Variants in LPO observed in about 807,000 individuals in gnomAD.
LPO encodes the protein salivary peroxidase.
In LPO, 70 loss-of-function variants were observed where a neutral mutation model predicts 68.4. The ratio of observed to expected loss-of-function variants is 1.02; its 90% CI spans 0.84 to 1.25. The LOEUF is 1.25. LPO is among the 50% of genes most tolerant of loss of function. LPO has a pLI of 0.00. For synonymous variants in LPO, 360 were observed against 357.6 expected (o/e 1.01, Z -0.08); for missense variants, 873 against 908.4 (o/e 0.96, Z 0.50).
At chr17:58,241,900 G>A (rs993050532) in intron 1 of LPO, among the ~76,000 whole-genome samples, 5 of 152,178 alleles carry the variant, frequency 3.3e-5, no homozygotes, top group Admixed American at 6.5e-5. Context: ...CAAGACATAC[G>A]GGGAAGTCTG....
At chr17:58,253,664 G>A (rs900170990) in intron 8 of LPO, among the ~76,000 whole-genome samples, 2 of 152,104 alleles carry the variant, frequency 1.3e-5, no homozygotes, top group Non-Finnish European at 2.9e-5. Context: ...TGGCCACCCT[G>A]ACATTGCAGA....
intron 8 of LPO, chr17:58,254,474 T>C (rs999320745): frequency 5.3e-5 from 9 of 171,104 alleles, no homozygotes; most frequent in Non-Finnish European, 1.1e-4. Flanking sequence ...GGGTTATAAT[T>C]AGCAAAATGT....
intron 9 of LPO, among the ~76,000 whole-genome samples, chr17:58,260,048 C>T (rs537210497): frequency 2.0e-5 from 3 of 152,106 alleles, no homozygotes; most frequent in African/African-American, 7.2e-5. Flanking sequence ...CTCTTGACCT[C>T]GTGATCCGCC....
chr17:58,249,226 C>A, intron 5 of LPO, 49 bp downstream of exon 5: 4 of 1,532,898 alleles, frequency 2.6e-6, no homozygotes, highest in Non-Finnish European at 3.6e-6. Flanking sequence ...CACTCCGCCC[C>A]GCCCTGCCAA....
At chr17:58,266,987 T>C (rs1399327518) in intron 11 of LPO, among the ~76,000 whole-genome samples, 5 of 152,212 alleles carry the variant, frequency 3.3e-5, no homozygotes, top group Non-Finnish European at 7.3e-5. Context: ...GCAATTTAAT[T>C]AAGAACCAGA....
In LPO at chr17:58,262,898, A is replaced by G. The variant is rs8178391; in HGVS notation, c.1267-1824A>G. On this transcript the variant is annotated intron_variant, in intron 9 of 12. Transcript: ENST00000262290. ...CAATTTTGAGAAATTTTCAGGCATTATTTATTCAAATCCTTTTTCAGTTTC... is the reference window on the plus strand; with the variant it reads ...CAATTTTGAGAAATTTTCAGGCATTGTTTATTCAAATCCTTTTTCAGTTTC... Among the ~76,000 whole-genome samples, 1,066 of 152,308 alleles carry G rather than the reference A, an allele frequency of 7.0e-3. 8 individuals carry two copies. Among genetic ancestry groups the G allele is most frequent in the African/African-American group, 0.025 (1,021 of 41,564 alleles).
rs757344771 is a variant in LPO, at chr17:58,247,557, C to G, written c.244C>G (p.Arg82Gly). The change falls in exon 4 of 13, where the codon CGC becomes GGC. Residue 82 changes from arginine to glycine, a missense_variant. Coordinates refer to ENST00000262290, the MANE Select transcript of LPO (RefSeq NM_006151.3). ...CCTCAAGCATGCCAAAGGCCGGACGCGCACAGCCATCCGCAATGGACAGGT... is the reference window on the plus strand; with the variant it reads ...CCTCAAGCATGCCAAAGGCCGGACGGGCACAGCCATCCGCAATGGACAGGT... ...EYLKHAKGRT[R>G]TAIRNGQVWE... 6.2e-7 allele frequency: 1 copy of G among 1,614,156 alleles called. No homozygotes were observed. The highest frequency in any genetic ancestry group is 8.5e-7 in the Non-Finnish European group (1 of 1,180,030).
intron 3 of LPO, among the ~76,000 whole-genome samples, chr17:58,246,033 C>T (rs557587298): frequency 4.4e-4 from 67 of 152,240 alleles, no homozygotes; most frequent in African/African-American, 1.6e-3. Flanking sequence ...TGCAGTGACT[C>T]ACAATTTATG....
chr17:58,246,445 G>A (rs1969853295), intron 3 of LPO, among the ~76,000 whole-genome samples: 1 of 152,172 alleles, frequency 6.6e-6, no homozygotes, highest in African/African-American at 2.4e-5. Flanking sequence ...GGACCGCGGT[G>A]GAGACTGTGG....
At chr17:58,242,016 C>T (rs1216590168) in intron 1 of LPO, among the ~76,000 whole-genome samples, 2 of 152,140 alleles carry the variant, frequency 1.3e-5, no homozygotes, top group African/African-American at 4.8e-5. Flanking sequence ...TTCTGGATTC[C>T]ACCAGTGAAC....
rs186729519 is a variant in LPO at position 58,264,716 on chromosome 17, C to T, written c.1267-6C>T. On this transcript the variant is annotated splice_polypyrimidine_tract_variant and splice_region_variant and intron_variant, in intron 9 of 12. Transcript: ENST00000262290. ...CCCTTTCCTCTTGATTTTATTCTCCCTCCAGATTATCACCTTTAGGGACTA... is the reference window on the plus strand; with the variant it reads ...CCCTTTCCTCTTGATTTTATTCTCCTTCCAGATTATCACCTTTAGGGACTA... 1 of 1,613,668 alleles carries T rather than the reference C, an allele frequency of 6.2e-7. No homozygotes were observed. The highest frequency in any genetic ancestry group is 8.5e-7 in the Non-Finnish European group (1 of 1,179,876).
chr17:58,256,706 C>G (rs901349271), intron 9 of LPO, among the ~76,000 whole-genome samples: 2 of 151,326 alleles, frequency 1.3e-5, no homozygotes, highest in South Asian at 4.2e-4. Context: ...CCCAGCTACT[C>G]GGGAGGATGA....
intron 9 of LPO, among the ~76,000 whole-genome samples, chr17:58,263,829 C>G (rs958893719): frequency 2.6e-5 from 4 of 152,098 alleles, no homozygotes; most frequent in Admixed American, 1.3e-4. Context: ...TTAGGTCCAC[C>G]AAAGCTTAGT....
chr17:58,243,791 T>C, intron 2 of LPO: 1 of 594,048 alleles, frequency 1.7e-6, no homozygotes, highest in Non-Finnish European at 3.0e-6. Context: ...TTTTGACATC[T>C]TGTTGAAGAT....
At chr17:58,239,053 C>G (rs1969709461) in intron 1 of LPO, among the ~76,000 whole-genome samples, 1 of 152,048 alleles carries the variant, frequency 6.6e-6, no homozygotes, top group Middle Eastern at 3.2e-3. Flanking sequence ...GAGACTTAAG[C>G]AATTTAATGT....
chr17:58,267,817 G>T lies in LPO; in HGVS notation c.1962G>T (p.Thr654=), dbSNP rs746529670. Residue 654 remains threonine, a synonymous_variant, in exon 13 of 13, where the codon ACG becomes ACT. Coordinates refer to ENST00000262290, the MANE Select transcript of LPO (RefSeq NM_006151.3). ...GGTGGGAAAACCCTGGGGTCTTCAC[G>T]AACGAGCAGAAGGACTCTCTACAGA... ...RFWWENPGVF[T]NEQKDSLQKM... The T allele has an allele frequency of 1.2e-5, 19 of 1,614,130 alleles. No homozygotes were observed. In the Admixed American group the frequency reaches 1.3e-4, roughly 11 times the overall value.
In LPO at chr17:58,264,870, C is replaced by T. The variant is rs567238427; in HGVS notation, c.1415C>T (p.Pro472Leu). 1.2e-6 allele frequency: 2 copies of T among 1,614,238 alleles called. No homozygotes were observed. Among genetic ancestry groups the T allele is most frequent in the South Asian group, 2.2e-5 (2 of 91,088 alleles). ...FAFRFGHLEV[P>L]SSMFRLDENY... ...TTCCGCTTTGGCCACTTGGAGGTCC[C>T]CTCTAGTATGTTCCGCCTGGATGAG... The change falls in exon 10 of 13, where the codon CCC (proline) becomes CTC (leucine). Residue 472 changes from proline (P) to leucine (L), a missense_variant. By Grantham distance (98) the Pro-to-Leu change is moderately conservative. Transcript: ENST00000262290.
intron 8 of LPO, among the ~76,000 whole-genome samples, chr17:58,253,476 G>A (rs962059452): frequency 6.6e-6 from 1 of 152,154 alleles, no homozygotes; most frequent in African/African-American, 2.4e-5. Context: ...AGATGAAGAG[G>A]AATGTATATT....
chr17:58,242,700 G>T (rs894141060), intron 1 of LPO, among the ~76,000 whole-genome samples: 1 of 152,200 alleles, frequency 6.6e-6, no homozygotes, highest in African/African-American at 2.4e-5. Flanking sequence ...CAAGGTCACA[G>T]AGCTATTGGA....
Sources: allele counts gnomAD v4.1 joint callset (sites outside exome capture counted in the v4.1 genomes callset), GRCh38; gene constraint gnomAD v4.1.1; transcripts MANE v1.5; gene names NCBI Gene and HGNC (gene_info 2026-07-23, HGNC 2026-07-21).